CHCHD3: variants seen among roughly 807,000 people sequenced by gnomAD.
CHCHD3 encodes the protein coiled-coil-helix-coiled-coil-helix domain containing 3.
In CHCHD3, 20 loss-of-function variants were observed where a neutral mutation model predicts 38.2. That is an observed-to-expected ratio of 0.52 (90% CI 0.37 to 0.76). The LOEUF is 0.76. Among genes scored for constraint, CHCHD3 ranks in the 30% least tolerant of loss-of-function variants. The pLI, the probability that CHCHD3 is intolerant of heterozygous loss-of-function variation, is 0.00. For synonymous variants in CHCHD3, 82 were observed against 100.0 expected, an observed-to-expected ratio of 0.82 and a Z score of 1.07; for missense variants, 245 against 279.2, an observed-to-expected ratio of 0.88 and a Z score of 0.87.
chr7:132,927,532 CT>C (rs1377813460), intron 4 of CHCHD3, among the ~76,000 whole-genome samples: 2 of 152,206 alleles, frequency 1.3e-5, no homozygotes, highest in Non-Finnish European at 2.9e-5. Flanking sequence ...GCAACAGCTG[CT>C]GTTAAGTTAG....
At chr7:132,986,024 T>C (rs368178367) in intron 3 of CHCHD3, among the ~76,000 whole-genome samples, 9,553 of 150,218 alleles carry the variant, frequency 0.064, 735 homozygotes, top group East Asian at 0.2. Context: ...TAGAAAGAGG[T>C]AGACATGGGA....
chr7:132,968,161 G>A (rs1318999869), intron 4 of CHCHD3, among the ~76,000 whole-genome samples: 1 of 152,164 alleles, frequency 6.6e-6, no homozygotes. Context: ...ACACACAGGA[G>A]GTAGAGGCCA....
intron 3 of CHCHD3, among the ~76,000 whole-genome samples, chr7:133,011,531 T>C (rs1475586126): frequency 6.6e-6 from 1 of 152,200 alleles, no homozygotes; most frequent in Non-Finnish European, 1.5e-5. Flanking sequence ...ATTGCTGGCC[T>C]CTACCTATCA....
chr7:133,022,469 C>A (rs1484102294), intron 3 of CHCHD3: 1 of 456,596 alleles, frequency 2.2e-6, no homozygotes, highest in Admixed American at 2.3e-5. Context: ...ACAAAACTTT[C>A]TTAATGCTGT....
intron 5 of CHCHD3, among the ~76,000 whole-genome samples, chr7:132,839,505 C>T (rs1197448838): frequency 1.3e-5 from 2 of 152,138 alleles, no homozygotes; most frequent in African/African-American, 2.4e-5. Flanking sequence ...AAATATCCTG[C>T]AAAATGCACT....
intron 4 of CHCHD3, among the ~76,000 whole-genome samples, chr7:132,885,993 C>T (rs1277639585): frequency 6.6e-6 from 1 of 152,036 alleles, no homozygotes; most frequent in African/African-American, 2.4e-5. Context: ...TAGGAAACGT[C>T]AGAATACAGC....
intron 5 of CHCHD3, among the ~76,000 whole-genome samples, chr7:132,881,455 T>C (rs911148450): frequency 2.6e-5 from 4 of 152,182 alleles, no homozygotes; most frequent in African/African-American, 9.6e-5. Context: ...CATCAAAAAG[T>C]GATAACGTGT....
intron 2 of CHCHD3, among the ~76,000 whole-genome samples, chr7:133,048,279 G>A (rs560404177): frequency 6.6e-6 from 1 of 152,072 alleles, no homozygotes; most frequent in Non-Finnish European, 1.5e-5. Context: ...ACACTGGGCT[G>A]GGAAAATAAT....
At chr7:132,927,313 T>C (rs1424082710) in intron 4 of CHCHD3, among the ~76,000 whole-genome samples, 1 of 152,230 alleles carries the variant, frequency 6.6e-6, no homozygotes, top group Non-Finnish European at 1.5e-5. Flanking sequence ...GTTCTTTGAA[T>C]ATACACACCA....
At chr7:132,926,431 G>T (rs930531620) in intron 4 of CHCHD3, among the ~76,000 whole-genome samples, 1 of 152,178 alleles carries the variant, frequency 6.6e-6, no homozygotes, top group African/African-American at 2.4e-5. Context: ...ATAGATCCTG[G>T]AGCTGCTGGT....
intron 2 of CHCHD3, among the ~76,000 whole-genome samples, chr7:133,033,555 G>A (rs1468662587): frequency 9.2e-5 from 14 of 151,846 alleles, no homozygotes; most frequent in Middle Eastern, 3.2e-3. Flanking sequence ...TATTCACCCT[G>A]ATAAATGAAA....
At chr7:132,961,569 A>G (rs1028663380) in intron 4 of CHCHD3, among the ~76,000 whole-genome samples, 2 of 152,242 alleles carry the variant, frequency 1.3e-5, no homozygotes, top group African/African-American at 4.8e-5. Flanking sequence ...TAATTAACAC[A>G]TCTATCATCT....
At chr7:132,884,998 T>C (rs1455690757) in intron 5 of CHCHD3, among the ~76,000 whole-genome samples, 1 of 152,228 alleles carries the variant, frequency 6.6e-6, no homozygotes, top group Non-Finnish European at 1.5e-5. Flanking sequence ...ATGCCTGTAA[T>C]CCTAGCACTT....
chr7:132,967,649 A>C (rs1470592001), intron 4 of CHCHD3, among the ~76,000 whole-genome samples: 4 of 149,708 alleles, frequency 2.7e-5, no homozygotes, highest in African/African-American at 9.8e-5. Flanking sequence ...AAATAAATAA[A>C]TAAATAAATA....
chr7:132,904,069 G>A (rs575299134), intron 4 of CHCHD3, among the ~76,000 whole-genome samples: 127 of 151,994 alleles, frequency 8.4e-4, no homozygotes, highest in Non-Finnish European at 1.7e-3. Flanking sequence ...AGACCAGCCC[G>A]GGCAACATGA....
intron 4 of CHCHD3, among the ~76,000 whole-genome samples, chr7:132,903,931 T>C (rs1384864611): frequency 6.6e-6 from 1 of 152,112 alleles, no homozygotes; most frequent in East Asian, 1.9e-4. Context: ...CAAACATGAG[T>C]GACGTCTGAT....
chr7:133,037,292 C>T (rs1813706393), intron 2 of CHCHD3, among the ~76,000 whole-genome samples: 1 of 151,974 alleles, frequency 6.6e-6, no homozygotes, highest in Admixed American at 6.6e-5. Context: ...TGAGGGAGAA[C>T]AATATACATT....
intron 6 of CHCHD3, among the ~76,000 whole-genome samples, chr7:132,823,669 G>C (rs1807438411): frequency 6.6e-6 from 1 of 152,160 alleles, no homozygotes; most frequent in Non-Finnish European, 1.5e-5. Flanking sequence ...AATTTGCCTA[G>C]TAAGTGAGCT....
intron 5 of CHCHD3, among the ~76,000 whole-genome samples, chr7:132,873,666 C>G (rs1808824210): frequency 6.6e-6 from 1 of 151,880 alleles, no homozygotes; most frequent in African/African-American, 2.4e-5. Context: ...TGCATAGTAC[C>G]CAGGGGCACT....
Sources: allele counts gnomAD v4.1 joint callset (sites outside exome capture counted in the v4.1 genomes callset), GRCh38; gene constraint gnomAD v4.1.1; transcripts MANE v1.5; gene names NCBI Gene and HGNC (gene_info 2026-07-23, HGNC 2026-07-21).